FAM47E: variants seen among roughly 807,000 people sequenced by gnomAD.
The protein encoded by FAM47E is protein FAM47E.
Under a neutral mutation model 41.6 loss-of-function variants are expected in FAM47E, and 32 were observed. That is an observed-to-expected ratio of 0.77 (90% CI 0.58 to 1.03). The LOEUF (loss-of-function observed/expected upper bound fraction) is 1.03, where lower values mean the gene tolerates loss of function less well. FAM47E is among the 50% of genes least tolerant of loss of function. The probability of loss-of-function intolerance (pLI) is 0.00; values close to 1 mark genes in which losing one functional copy is unlikely to be tolerated. For missense variants in FAM47E, 424 were observed against 485.4 expected, an observed-to-expected ratio of 0.87 and a Z score of 1.19; for synonymous variants, 184 against 188.7, an observed-to-expected ratio of 0.98 and a Z score of 0.20.
intron 1 of FAM47E, among the ~76,000 whole-genome samples, chr4:76,254,557 TAAAAC>T (rs1734108200): frequency 6.6e-6 from 1 of 152,168 alleles, no homozygotes; most frequent in Admixed American, 6.5e-5. Flanking sequence ...GTTAAGCCCT[TAAAAC>T]AACACCTACA....
chr4:76,267,952 G>C (rs1734711313), intron 3 of FAM47E: 1 of 152,156 alleles, frequency 6.6e-6, no homozygotes, highest in African/African-American at 2.4e-5. Flanking sequence ...AAATGTTCTG[G>C]AATAAGATAG....
chr4:76,253,498 A>G (rs1376897008), intron 1 of FAM47E, among the ~76,000 whole-genome samples: 1 of 152,216 alleles, frequency 6.6e-6, no homozygotes, highest in Admixed American at 6.5e-5. Flanking sequence ...GTTTTATTTT[A>G]TGGGCCAAGC....
At chr4:76,218,805 A>C (rs960865761) in intron 2 of FAM47E, among the ~76,000 whole-genome samples, 2 of 152,136 alleles carry the variant, frequency 1.3e-5, no homozygotes, top group African/African-American at 4.8e-5. Context: ...GAGTCAGGAG[A>C]TCAAAGAGGA....
rs1735204210 is a variant in FAM47E, at chr4:76,278,111, T to G, written c.913T>G (p.Trp305Gly). ...GTGGGTGAAGATGAGGTATGGAGCA[T>G]GGTATTTGAACCCCAAGTTGTGGAA... Reference protein sequence around the residue: ...PKWVKMRYGAWYLNPKLWKKQ... With the variant: ...PKWVKMRYGAGYLNPKLWKKQ... Residue 305 changes from tryptophan (W) to glycine (G), a missense_variant, in exon 6 of 8, where the codon TGG becomes GGG. Coordinates refer to ENST00000424749, the MANE Select transcript of FAM47E (RefSeq NM_001136570.3). The G allele has an allele frequency of 6.5e-7, 1 of 1,550,062 alleles. No homozygotes were observed. Among genetic ancestry groups the G allele is most frequent in the African/African-American group, 1.4e-5 (1 of 72,986 alleles).
rs368454007 is a variant in FAM47E at position 76,245,489 on chromosome 4, GGA to G, written c.82-18208_82-18207del. 6.0e-3 allele frequency among the ~76,000 whole-genome samples: 910 copies of G among 152,186 alleles called. 16 individuals carry two copies. The highest frequency in any genetic ancestry group is 0.021 in the African/African-American group (866 of 41,484). ...ATGCCTCTATAAATAGGAGAGAGAT[GGA>G]GAGAGAAAAATAGCCTGACTGTTCC... is the stretch of plus-strand genomic sequence containing the variant. On this transcript the variant is annotated intron_variant, in intron 2 of 7. Transcript: ENST00000510197.
intron 2 of FAM47E, among the ~76,000 whole-genome samples, chr4:76,221,151 C>T (rs1227739914): frequency 6.6e-6 from 1 of 152,176 alleles, no homozygotes; most frequent in African/African-American, 2.4e-5. Context: ...GAAGAAAAAC[C>T]CATTGTGGCA....
chr4:76,246,066 AC>A (rs1371131641), intron 2 of FAM47E, among the ~76,000 whole-genome samples: 1 of 152,190 alleles, frequency 6.6e-6, no homozygotes, highest in Admixed American at 6.5e-5. Flanking sequence ...GCCACTTAAA[AC>A]ACTATGCAGG....
chr4:76,243,094 C>A (rs1262675117), intron 2 of FAM47E, among the ~76,000 whole-genome samples: 1 of 152,208 alleles, frequency 6.6e-6, no homozygotes, highest in Non-Finnish European at 1.5e-5. Context: ...CATGTAAGAA[C>A]ACAGCAAGAA....
At chr4:76,242,195 T>C (rs112317196) in intron 2 of FAM47E, among the ~76,000 whole-genome samples, 2,125 of 152,304 alleles carry the variant, frequency 0.014, 46 homozygotes, top group African/African-American at 0.046. Context: ...TCCCCAGTGT[T>C]GGAGGTAGGG....
At chr4:76,248,117 T>C (rs1162511031), upstream of FAM47E, among the ~76,000 whole-genome samples, 3 of 151,858 alleles carry the variant, frequency 2.0e-5, no homozygotes, top group Non-Finnish European at 4.4e-5. Context: ...GGTTTCACCA[T>C]GTTAGCCAGG....
intron 2 of FAM47E, among the ~76,000 whole-genome samples, chr4:76,219,724 G>T (rs952612961): frequency 6.6e-6 from 1 of 152,054 alleles, no homozygotes; most frequent in Non-Finnish European, 1.5e-5. Flanking sequence ...TAGGGGTGCA[G>T]TAGTGGAATG....
chr4:76,216,232 T>C (rs1733204897), intron 1 of FAM47E, among the ~76,000 whole-genome samples: 1 of 152,206 alleles, frequency 6.6e-6, no homozygotes, highest in African/African-American at 2.4e-5. Context: ...GGAGCAATGC[T>C]AGCCCACTAA....
At chr4:76,240,025 G>C (rs559840382) in intron 2 of FAM47E, among the ~76,000 whole-genome samples, 27 of 152,018 alleles carry the variant, frequency 1.8e-4, no homozygotes, top group African/African-American at 5.8e-4. Context: ...GTGCTAAGAG[G>C]GTTTTTTTCT....
chr4:76,245,375 G>A (rs771956644), intron 2 of FAM47E, among the ~76,000 whole-genome samples: 2 of 152,132 alleles, frequency 1.3e-5, no homozygotes, highest in African/African-American at 4.8e-5. Flanking sequence ...TAAACTGCAC[G>A]AATTGCTTGG....
chr4:76,248,241 C>T (rs6817956), upstream of FAM47E, among the ~76,000 whole-genome samples: 79,950 of 151,682 alleles, frequency 0.53, 22,533 homozygotes, highest in Non-Finnish European at 0.63. Context: ...TCATGTTTTT[C>T]GATATACAGA....
chr4:76,244,393 T>C (rs1430230414), intron 2 of FAM47E, among the ~76,000 whole-genome samples: 8 of 152,144 alleles, frequency 5.3e-5, no homozygotes, highest in Non-Finnish European at 1.5e-5. Context: ...CTATATCCTC[T>C]CCAGCATCTG....
chr4:76,230,481 C>A (rs1295545165), intron 2 of FAM47E, among the ~76,000 whole-genome samples: 1 of 152,158 alleles, frequency 6.6e-6, no homozygotes, highest in East Asian at 1.9e-4. Context: ...CTCACCTGCC[C>A]CTCCCTGTCT....
At chr4:76,235,029 ATAAAT>A (rs1375211672) in intron 2 of FAM47E, among the ~76,000 whole-genome samples, 1 of 152,222 alleles carries the variant, frequency 6.6e-6, no homozygotes, top group Non-Finnish European at 1.5e-5. Context: ...AAACATAAAA[ATAAAT>A]TGGCCGGTCG....
In FAM47E at chr4:76,278,157, C is replaced by G; in HGVS notation, c.959C>G (p.Pro320Arg). The stretch of plus-strand genomic sequence containing the variant: ...TGGAAAAAGCAAAGAGTAGACGAGC[C>G]TCTGGTTGACCCTGAGGTCTCACAT... ...KLWKKQRVDE[P>R]LVDPEVSHKA... is the part of the protein sequence containing the mutation. Residue 320 changes from proline (P) to arginine (R), a missense_variant, in exon 6 of 8, where the codon CCT becomes CGT. Transcript: ENST00000424749. The G allele has an allele frequency of 1.3e-6, 2 of 1,551,104 alleles. No individual in the cohort carries two copies. The highest frequency in any genetic ancestry group is 1.2e-5 in the South Asian group (1 of 83,984).
Sources: gnomAD v4.1 joint callset for allele counts (sites outside exome capture counted in the v4.1 genomes callset) on GRCh38, gnomAD v4.1.1 for gene constraint, MANE v1.5 for transcripts, NCBI Gene and HGNC (gene_info 2026-07-23, HGNC 2026-07-21) for gene names.